UPF1: variants seen among roughly 807,000 people sequenced by gnomAD.
UPF1 encodes regulator of nonsense transcripts 1.
UPF1 carries 9 observed loss-of-function variants against 129.2 expected under a neutral mutation model. The observed-to-expected ratio is 0.07, with a 90% CI of 0.04 to 0.12. The LOEUF is 0.12. Among genes scored for constraint, UPF1 ranks in the 10% least tolerant of loss-of-function variants. The probability of loss-of-function intolerance (pLI) is 1.00; values close to 1 mark genes in which losing one functional copy is unlikely to be tolerated. For missense variants in UPF1, 788 were observed against 1,525.3 expected, an observed-to-expected ratio of 0.52 and a Z score of 8.05; for synonymous variants, 649 against 644.9, an observed-to-expected ratio of 1.01 and a Z score of -0.10.
chr19:18,848,985 G>C (rs982542759), intron 3 of UPF1: 1 of 152,246 alleles, frequency 6.6e-6, no homozygotes, highest in Non-Finnish European at 1.5e-5. Context: ...GAAACAACAG[G>C]CTTGAGCCAA....
chr19:18,850,264 C>A lies in UPF1; in HGVS notation c.629+22C>A. The A allele has an allele frequency of 6.4e-7, 1 of 1,565,768 alleles. No individual in the cohort carries two copies. The highest frequency in any genetic ancestry group is 1.2e-5 in the South Asian group (1 of 83,786). On this transcript the variant is annotated intron_variant, in intron 4 of 23. Transcript: ENST00000262803. This position sits in a 1 kb window ranked among gnomAD's most constrained non-coding sequence, Gnocchi z 7.1. ...GCAGGTGAGTGGTCCCCAGATGTCT[C>A]CTGGGGGTGACCTTTAAGCTCCAGC...
chr19:18,855,446 T>C, intron 11 of UPF1: 3 of 646,914 alleles, frequency 4.6e-6, no homozygotes, highest in Non-Finnish European at 5.2e-6. Context: ...CCAGGTCTGC[T>C]ACTGGTTTAG....
chr19:18,866,285 T>C, intron 23 of UPF1, 119 bp downstream of exon 23: 1 of 1,399,240 alleles, frequency 7.1e-7, no homozygotes, highest in African/African-American at 1.5e-5. Context: ...CTGTGCCTGG[T>C]GGGGGTCATA....
At position 18,856,172 on chromosome 19, in the gene UPF1, G is replaced by T. The variant is rs1426263023; in HGVS notation, c.1710-14G>T. ...CAGAACTCAGGCACCCTGCTGACCTGCATGTGCTTCCAGCATGCCTGAGCT... is the reference window on the plus strand; with the variant it reads ...CAGAACTCAGGCACCCTGCTGACCTTCATGTGCTTCCAGCATGCCTGAGCT... On this transcript the variant is annotated splice_polypyrimidine_tract_variant and intron_variant, in intron 12 of 23. Coordinates refer to ENST00000262803, the MANE Select transcript of UPF1 (RefSeq NM_002911.4). The T allele has an allele frequency of 6.2e-7, 1 of 1,605,854 alleles. No homozygotes were observed. The highest frequency in any genetic ancestry group is 1.3e-5 in the African/African-American group (1 of 74,934).
At position 18,852,249 on chromosome 19, in the gene UPF1, C is replaced by T. The variant is rs1208288684; in HGVS notation, c.925C>T (p.Leu309=). 1.3e-5 allele frequency: 21 copies of T among 1,613,662 alleles called. No homozygotes were observed. The highest frequency in any genetic ancestry group is 1.7e-5 in the Non-Finnish European group (20 of 1,179,804). ...CCAGTACCAGAACATATTCGGGCCC[C>T]TGGTCAAGCTGGAGGCCGACTACGA... The part of the protein sequence containing the change: ...AYQYQNIFGP[L]VKLEADYDKK... The change falls in exon 6 of 24, where the codon CTG becomes TTG. Residue 309 remains leucine, a synonymous_variant. Transcript: ENST00000262803.
rs1220315599 is a variant in UPF1, at chr19:18,853,705, ACT to A, written c.1156+358_1156+359del. Among the ~76,000 whole-genome samples, 2 of 152,146 alleles carry A rather than the reference ACT, an allele frequency of 1.3e-5. No homozygotes were observed. Among genetic ancestry groups the A allele is most frequent in the African/African-American group, 2.4e-5 (1 of 41,430 alleles). ...GCAGGAGCGCCTTACCTGGACGCTG[ACT>A]CTGCACACGGAGGTTCCAGAAGCCA... On this transcript the variant is annotated intron_variant, in intron 8 of 23. Transcript: ENST00000262803. This position sits in a 1 kb window ranked among gnomAD's most constrained non-coding sequence, Gnocchi z 4.4.
chr19:18,857,385 C>T lies in UPF1; in HGVS notation c.2034C>T (p.Ala678=), dbSNP rs755122505. The change falls in exon 15 of 24, where the codon GCC becomes GCT. Residue 678 remains alanine, a synonymous_variant. Coordinates refer to ENST00000262803, the MANE Select transcript of UPF1 (RefSeq NM_002911.4). ...PVVMCKKAAK[A]GLSQSLFERL... ...TGATGTGCAAGAAGGCGGCCAAGGC[C>T]GGGCTGTCACAGTCGCTCTTCGAGC... 96 of 1,613,346 alleles carry T rather than the reference C, an allele frequency of 6.0e-5. No individual in the cohort carries two copies. Among genetic ancestry groups the T allele is most frequent in the Middle Eastern group, 1.6e-4 (1 of 6,072 alleles).
In UPF1 at chr19:18,850,853, G is replaced by C; in HGVS notation, c.795G>C (p.Leu265=). 6.3e-7 allele frequency: 1 copy of C among 1,590,744 alleles called. No individual in the cohort carries two copies. The highest frequency in any genetic ancestry group is 1.1e-5 in the South Asian group (1 of 88,212). The change falls in exon 5 of 24, where the codon CTG becomes CTC. Residue 265 remains leucine, a synonymous_variant. Transcript: ENST00000262803. The surrounding 1 kb of genome is among the most constrained non-coding windows in gnomAD (Gnocchi z 7.1). ...RQITAQQINK[L]EELWKENPSA... is the part of the protein sequence containing the mutation. Reference sequence around the variant, plus strand: ...TCACGGCACAGCAGATCAACAAGCTGGAGGAGCTGTGGAAGGTGGGGCTGC... The same window carrying C: ...TCACGGCACAGCAGATCAACAAGCTCGAGGAGCTGTGGAAGGTGGGGCTGC...
intron 1 of UPF1, among the ~76,000 whole-genome samples, chr19:18,834,948 G>T (rs1415473693): frequency 6.6e-6 from 1 of 152,174 alleles, no homozygotes; most frequent in Non-Finnish European, 1.5e-5. Context: ...TATTGAAATA[G>T]AATTCACTTG....
rs1259561936 is a variant in UPF1 at position 18,847,853 on chromosome 19, A to T, written c.461+20A>T. The T allele has an allele frequency of 4.1e-5, 66 of 1,610,442 alleles. No individual in the cohort carries two copies. The highest frequency in any genetic ancestry group is 5.4e-5 in the Non-Finnish European group (63 of 1,176,804). On this transcript the variant is annotated intron_variant, in intron 3 of 23. Transcript: ENST00000262803. ...TGGCAGGTAGATAATCAGACCATGC[A>T]TGTGTGTTTAATCAGTGCTGTGCTC... is the stretch of plus-strand genomic sequence containing the variant.
Position 18,853,129 on chromosome 19 carries a change from G to T in UPF1, c.1057+58G>T. 1 of 1,607,602 alleles carries T rather than the reference G, an allele frequency of 6.2e-7. No homozygotes were observed. Among genetic ancestry groups the T allele is most frequent in the Non-Finnish European group, 8.5e-7 (1 of 1,175,148 alleles). On this transcript the variant is annotated intron_variant, in intron 7 of 23. Coordinates refer to ENST00000262803, the MANE Select transcript of UPF1 (RefSeq NM_002911.4). The surrounding 1 kb of genome is among the most constrained non-coding windows in gnomAD (Gnocchi z 4.4). ...GGTGATTTTAAGTTTTAAAATATTT[G>T]TGACCATAAGTAGCATAAATTCCTA... is the stretch of plus-strand genomic sequence containing the variant.
At chr19:18,839,349 C>T (rs2055517012) in intron 1 of UPF1, among the ~76,000 whole-genome samples, 1 of 152,208 alleles carries the variant, frequency 6.6e-6, no homozygotes, top group Admixed American at 6.5e-5. Flanking sequence ...CCACCTTGGC[C>T]TTCCAAGGTG....
In UPF1 at chr19:18,857,485, C is replaced by T; in HGVS notation, c.2134C>T (p.Pro712Ser). The stretch of plus-strand genomic sequence containing the variant: ...GATGCACCCTGCACTCAGCGCCTTC[C>T]CATCCAACATCTTCTACGAGGGCTC... ...YRMHPALSAFPSNIFYEGSLQ... is the reference protein window; with the variant it reads ...YRMHPALSAFSSNIFYEGSLQ... Residue 712 changes from proline to serine, a missense_variant, in exon 15 of 24, where the codon CCA (proline) becomes TCA (serine). By Grantham distance (74) the Pro-to-Ser change is moderately conservative. Coordinates refer to ENST00000262803, the MANE Select transcript of UPF1 (RefSeq NM_002911.4). 2 of 1,613,994 alleles carry T rather than the reference C, an allele frequency of 1.2e-6. No homozygotes were observed. Among genetic ancestry groups the T allele is most frequent in the Non-Finnish European group, 1.7e-6 (2 of 1,179,994 alleles).
At chr19:18,859,145 C>A (rs1179331385) in intron 15 of UPF1, among the ~76,000 whole-genome samples, 1 of 152,192 alleles carries the variant, frequency 6.6e-6, no homozygotes, top group East Asian at 1.9e-4. Context: ...GCCACAGAGA[C>A]CTAGCTTGTG....
chr19:18,841,283 C>G (rs554381298), intron 1 of UPF1, among the ~76,000 whole-genome samples: 1 of 152,158 alleles, frequency 6.6e-6, no homozygotes, highest in Non-Finnish European at 1.5e-5. Context: ...TAAAGCAAGT[C>G]TTTTGTGTCC....
intron 3 of UPF1, chr19:18,848,969 C>G (rs1334890144): frequency 9.2e-5 from 14 of 152,216 alleles, no homozygotes; most frequent in Admixed American, 9.2e-4. Flanking sequence ...GCAAAAGGGC[C>G]TCTGAGAAAC....
intron 1 of UPF1, among the ~76,000 whole-genome samples, chr19:18,833,481 T>G (rs1314320745): frequency 1.3e-5 from 2 of 152,060 alleles, no homozygotes; most frequent in Admixed American, 6.6e-5. Flanking sequence ...TACTTAGGTA[T>G]TTTAAATGGG....
At chr19:18,840,373 A>C (rs1164429208) in intron 1 of UPF1, among the ~76,000 whole-genome samples, 1 of 152,112 alleles carries the variant, frequency 6.6e-6, no homozygotes. Context: ...CAGGGTCCAT[A>C]ATTCCCCAGG....
rs1304370693 is a variant in UPF1 at position 18,859,216 on chromosome 19, A to G, written c.2183-1105A>G. 2.0e-5 allele frequency among the ~76,000 whole-genome samples: 3 copies of G among 152,154 alleles called. No homozygotes were observed. The East Asian group carries it at 5.8e-4, about 29-fold the overall frequency. ...GGCTCGGCGCAGGCTCAGACCCCTC[A>G]TGGTCCCCAGGGCATCGGCCCAGAG... On this transcript the variant is annotated intron_variant, in intron 15 of 23. Coordinates refer to ENST00000262803, the MANE Select transcript of UPF1 (RefSeq NM_002911.4).
Sources: allele counts gnomAD v4.1 joint callset (sites outside exome capture counted in the v4.1 genomes callset), GRCh38; gene constraint gnomAD v4.1.1; non-coding constraint Gnocchi (gnomAD v3.1); transcripts MANE v1.5; gene names NCBI Gene and HGNC (gene_info 2026-07-23, HGNC 2026-07-21).